SLC35B4: variants seen among roughly 807,000 people sequenced by gnomAD.
SLC35B4 encodes nucleotide sugar transporter SLC35B4.
Under a neutral mutation model 39.5 loss-of-function variants are expected in SLC35B4, and 28 were observed. The observed-to-expected ratio is 0.71, with a 90% CI of 0.53 to 0.97. The LOEUF (loss-of-function observed/expected upper bound fraction) is 0.97, where lower values mean the gene tolerates loss of function less well. Ranked by LOEUF, SLC35B4 falls within the 50% of genes least tolerant of loss-of-function variation. The probability of loss-of-function intolerance (pLI) is 0.00; values close to 1 mark genes in which losing one functional copy is unlikely to be tolerated. For synonymous variants in SLC35B4, 145 were observed against 150.4 expected (o/e 0.96, Z 0.26); for missense variants, 334 against 414.3 (o/e 0.81, Z 1.68).
chr7:134,303,416 A>G (rs79924007), intron 4 of SLC35B4, among the ~76,000 whole-genome samples: 3,239 of 152,228 alleles, frequency 0.021, 55 homozygotes, highest in Non-Finnish European at 0.033. Context: ...ATTCCACACT[A>G]TAAGAAGCAT....
At chr7:134,311,320 T>C (rs558203967) in intron 1 of SLC35B4, among the ~76,000 whole-genome samples, 1 of 152,300 alleles carries the variant, frequency 6.6e-6, no homozygotes, top group Non-Finnish European at 1.5e-5. Context: ...AGCACGGTGC[T>C]TTGGAACTCG....
At chr7:134,315,122 G>A (rs977737157) in intron 1 of SLC35B4, among the ~76,000 whole-genome samples, 1 of 152,112 alleles carries the variant, frequency 6.6e-6, no homozygotes, top group Admixed American at 6.6e-5. Flanking sequence ...ATGAAGAACT[G>A]GATGACCAAA....
rs1280103908 is a variant in SLC35B4, at chr7:134,290,061, G to C, written c.*4772C>G. 2 of 152,126 alleles carry C rather than the reference G, an allele frequency of 1.3e-5. No homozygotes were observed. Among genetic ancestry groups the C allele is most frequent in the African/African-American group, 4.8e-5 (2 of 41,412 alleles). The allele number at this position is 152,126 out of a possible 1,614,324, so 9.4% of individuals were successfully genotyped here. A position where few individuals can be genotyped will look rare whatever the true frequency, so the allele number is the denominator to read the frequency against. On this transcript the variant is annotated 3_prime_UTR_variant, in exon 10 of 10. Transcript: ENST00000378509. ...ACTGTACCAACTATGGAGATGTAAGGGTGGGGCTGGTCACCCCAAGCAGCC... is the reference window on the plus strand; with the variant it reads ...ACTGTACCAACTATGGAGATGTAAGCGTGGGGCTGGTCACCCCAAGCAGCC...
At chr7:134,313,127 ATTAT>A (rs1478515182) in intron 1 of SLC35B4, among the ~76,000 whole-genome samples, 1 of 152,204 alleles carries the variant, frequency 6.6e-6, no homozygotes, top group Admixed American at 6.5e-5. Flanking sequence ...TACCAATGGA[ATTAT>A]TTATTTTAAC....
intron 1 of SLC35B4, among the ~76,000 whole-genome samples, chr7:134,311,450 GTTC>G (rs1161895405): frequency 6.6e-6 from 1 of 152,194 alleles, no homozygotes; most frequent in Non-Finnish European, 1.5e-5. Flanking sequence ...GAGGTCAGGA[GTTC>G]GAGACCAGCT....
chr7:134,302,876 G>C (rs1278088318), intron 4 of SLC35B4, among the ~76,000 whole-genome samples: 2 of 152,090 alleles, frequency 1.3e-5, no homozygotes, highest in Non-Finnish European at 2.9e-5. Context: ...CTAGCTAATG[G>C]GCAGAGAAAG....
upstream of SLC35B4, among the ~76,000 whole-genome samples, chr7:134,319,020 G>A (rs1804056488): frequency 6.6e-6 from 1 of 152,166 alleles, no homozygotes. Flanking sequence ...GACTGCACTT[G>A]GAGAGCAGAA....
upstream of SLC35B4, among the ~76,000 whole-genome samples, chr7:134,319,134 G>A (rs73727226): frequency 1.3e-5 from 2 of 152,114 alleles, no homozygotes; most frequent in African/African-American, 4.8e-5. Context: ...CATGCTCAAA[G>A]AAACTAACTT....
Position 134,295,002 on chromosome 7 carries a change from C to G in SLC35B4, c.827G>C (p.Arg276Pro), listed in dbSNP as rs759264873. 1 of 1,614,116 alleles carries G rather than the reference C, an allele frequency of 6.2e-7. No individual in the cohort carries two copies. Among genetic ancestry groups the G allele is most frequent in the Non-Finnish European group, 8.5e-7 (1 of 1,180,024 alleles). Reference protein sequence around the residue: ...SLTVTLVVTLRKFVSLIFSIL... With the variant: ...SLTVTLVVTLPKFVSLIFSIL... The stretch of plus-strand genomic sequence containing the variant: ...GGAAAAGATGAGGCTCACAAATTTG[C>G]GTAGGGTCACGACGAGCGTGACGGT... Residue 276 changes from arginine (R) to proline (P), a missense_variant, in exon 10 of 10, where the codon CGC (arginine) becomes CCC (proline). By Grantham distance (103) the Arg-to-Pro change is moderately radical. Transcript: ENST00000378509.
rs1481185056 is a variant in SLC35B4, at chr7:134,293,656, C to G, written c.*1177G>C. On this transcript the variant is annotated 3_prime_UTR_variant, in exon 10 of 10. Transcript: ENST00000378509. ...GCCTTATCCTCCCACTTGAGACCCACCCTTCTGCCCTGTGAGTGCCCGGCT... is the reference window on the plus strand; with the variant it reads ...GCCTTATCCTCCCACTTGAGACCCAGCCTTCTGCCCTGTGAGTGCCCGGCT... 1 of 152,256 alleles carries G rather than the reference C, an allele frequency of 6.6e-6. No individual in the cohort carries two copies. 9.4% of individuals were successfully genotyped at this position (152,256 alleles called of 1,614,324 possible).
chr7:134,319,312 C>T (rs1804059932), upstream of SLC35B4, among the ~76,000 whole-genome samples: 1 of 152,196 alleles, frequency 6.6e-6, no homozygotes, highest in Non-Finnish European at 1.5e-5. Flanking sequence ...TTGTGAAAAC[C>T]ATATAACACA....
chr7:134,299,425 A>T (rs1390030927), intron 8 of SLC35B4, 98 bp downstream of exon 8: 1 of 923,080 alleles, frequency 1.1e-6, no homozygotes, highest in Non-Finnish European at 1.7e-6. Context: ...ACATGATTTG[A>T]ATAGGATTAT....
At chr7:134,307,816 AAT>A (rs1012571510) in intron 2 of SLC35B4, among the ~76,000 whole-genome samples, 2 of 152,228 alleles carry the variant, frequency 1.3e-5, no homozygotes, top group Non-Finnish European at 2.9e-5. Context: ...AGGCTGAATT[AAT>A]ATAGTCTGGA....
intron 6 of SLC35B4, among the ~76,000 whole-genome samples, chr7:134,300,725 T>C (rs1803561588): frequency 1.3e-5 from 2 of 152,310 alleles, no homozygotes; most frequent in Middle Eastern, 3.4e-3. Context: ...TAAACCCTCA[T>C]AAGTGGAATT....
Position 134,311,156 on chromosome 7 carries a change from A to G in SLC35B4, c.78-1677T>C, listed in dbSNP as rs913112669. On this transcript the variant is annotated intron_variant, in intron 1 of 9. Coordinates refer to ENST00000378509, the MANE Select transcript of SLC35B4 (RefSeq NM_032826.5). ...AAACTGCTTTCTATTCAATTCAACA[A>G]GTTCTCTTTTAGCACTTCTTATGTT... 2.6e-5 allele frequency among the ~76,000 whole-genome samples: 4 copies of G among 152,214 alleles called. No individual in the cohort carries two copies. In the East Asian group the frequency reaches 7.7e-4, roughly 29 times the overall value.
chr7:134,295,415 A>G (rs949987102), intron 9 of SLC35B4, among the ~76,000 whole-genome samples: 2 of 152,018 alleles, frequency 1.3e-5, no homozygotes, highest in Non-Finnish European at 2.9e-5. Context: ...TCTTGCCTCC[A>G]GCCCTTCTAT....
At chr7:134,300,110 A>G (rs1214538920) in intron 7 of SLC35B4, 42 bp downstream of exon 7, 2 of 1,357,782 alleles carry the variant, frequency 1.5e-6, no homozygotes, top group Admixed American at 1.9e-5. Flanking sequence ...ACATTTTACA[A>G]CTTAGGAATT....
chr7:134,293,123 G>A lies in SLC35B4; in HGVS notation c.*1710C>T, dbSNP rs541471454. The A allele has an allele frequency of 7.0e-6, 1 of 143,638 alleles. No individual in the cohort carries two copies. The highest frequency in any genetic ancestry group is 2.2e-4 in the South Asian group (1 of 4,468). 8.9% of individuals were successfully genotyped at this position (143,638 alleles called of 1,614,324 possible). A position where few individuals can be genotyped will look rare whatever the true frequency, so the allele number is the denominator to read the frequency against. On this transcript the variant is annotated 3_prime_UTR_variant, in exon 10 of 10. Transcript: ENST00000378509. ...ACGTCTCAGTTTAAGAACACAATGT[G>A]TGCACCACACACACACACATACATA... is the stretch of plus-strand genomic sequence containing the variant.
At position 134,294,752 on chromosome 7, in the gene SLC35B4, T is replaced by C; in HGVS notation, c.*81A>G. 6.4e-7 allele frequency: 1 copy of C among 1,559,054 alleles called. No homozygotes were observed. The highest frequency in any genetic ancestry group is 1.2e-5 in the South Asian group (1 of 84,154). On this transcript the variant is annotated 3_prime_UTR_variant, in exon 10 of 10. Coordinates refer to ENST00000378509, the MANE Select transcript of SLC35B4 (RefSeq NM_032826.5). ...GCTCAGCACTGCGGGTAGCTCGGCA[T>C]TAACAAAAGCGAAACGGTGGTCAGA...
Sources: gnomAD v4.1 joint callset for allele counts (sites outside exome capture counted in the v4.1 genomes callset) on GRCh38, gnomAD v4.1.1 for gene constraint, MANE v1.5 for transcripts, NCBI Gene and HGNC (gene_info 2026-07-23, HGNC 2026-07-21) for gene names.